Variants in SGCD observed in about 807,000 individuals in gnomAD.
SGCD encodes the protein delta-sarcoglycan.
Under a neutral mutation model 36.6 loss-of-function variants are expected in SGCD, and 18 were observed. That is an observed-to-expected ratio of 0.49 (90% confidence interval 0.34 to 0.73). The LOEUF is 0.73. Among genes scored for constraint, SGCD ranks in the 30% least tolerant of loss-of-function variants. SGCD has a pLI of 0.01. For synonymous variants in SGCD, 133 were observed against 130.6 expected, an observed-to-expected ratio of 1.02 and a Z score of -0.12; for missense variants, 387 against 346.7, an observed-to-expected ratio of 1.12 and a Z score of -0.92.
At chr5:156,115,783 A>G (rs1399500556) in intron 1 of SGCD, among the ~76,000 whole-genome samples, 1 of 152,038 alleles carries the variant, frequency 6.6e-6, no homozygotes, top group East Asian at 1.9e-4. Context: ...TGTCCTACAG[A>G]CAGTCTCACA....
intron 4 of SGCD, among the ~76,000 whole-genome samples, chr5:156,527,078 C>T (rs1331646770): frequency 6.6e-6 from 1 of 152,124 alleles, no homozygotes; most frequent in Non-Finnish European, 1.5e-5. Flanking sequence ...TTCCTCATTG[C>T]CTATCATGGT....
At chr5:156,237,142 G>T (rs1217598390) in intron 3 of SGCD, among the ~76,000 whole-genome samples, 1 of 151,992 alleles carries the variant, frequency 6.6e-6, no homozygotes, top group Non-Finnish European at 1.5e-5. Context: ...GCCTGAGCCA[G>T]AATTTTAAAC....
Position 156,105,073 on chromosome 5 carries a change from C to T in SGCD, c.-281-12805C>T, listed in dbSNP as rs78083301. Among the ~76,000 whole-genome samples, 302 of 152,198 alleles carry T rather than the reference C, an allele frequency of 2.0e-3. 1 individual carries two copies. The highest frequency in any genetic ancestry group is 7.0e-3 in the African/African-American group (289 of 41,530). On this transcript the variant is annotated intron_variant, in intron 1 of 9. Transcript: ENST00000517913. ...TGACGAGTTAATGGGTGCAGCATACCAACATGGCAAATGTATACATATGTA... is the reference window on the plus strand; with the variant it reads ...TGACGAGTTAATGGGTGCAGCATACTAACATGGCAAATGTATACATATGTA...
At chr5:156,384,383 T>C (rs17053515) in intron 3 of SGCD, among the ~76,000 whole-genome samples, 4,119 of 152,264 alleles carry the variant, frequency 0.027, 78 homozygotes, top group African/African-American at 0.05. Flanking sequence ...TTCTGAATGA[T>C]TGTGAATGTT....
chr5:155,930,546 G>T (rs1387403971), intron 1 of SGCD, among the ~76,000 whole-genome samples: 1 of 152,128 alleles, frequency 6.6e-6, no homozygotes, highest in Non-Finnish European at 1.5e-5. Flanking sequence ...TTCCTTCTTT[G>T]AGTCAGTGAG....
chr5:156,333,783 A>ATTTTTTTTTT lies in SGCD; in HGVS notation c.3+4232_3+4241dup, dbSNP rs70984404. Among the ~76,000 whole-genome samples, 50 of 19,958 alleles carry ATTTTTTTTTT rather than the reference A, an allele frequency of 2.5e-3. 5 individuals carry two copies. The highest frequency in any genetic ancestry group is 3.1e-3 in the Non-Finnish European group (32 of 10,468). 13.1% of individuals were successfully genotyped at this position (19,958 alleles called of 152,430 possible). ...GTGCTTTCTTTATGTTAGAAAAGTG[A>ATTTTTTTTTT]TTTTTTTTTTTTTTTTTTTTTTTTT... On this transcript the variant is annotated intron_variant, in intron 2 of 8. Transcript: ENST00000337851.
intron 6 of SGCD, among the ~76,000 whole-genome samples, chr5:156,616,216 G>C (rs182874354): frequency 3.3e-5 from 5 of 152,106 alleles, no homozygotes; most frequent in African/African-American, 4.8e-5. Flanking sequence ...TAAATACAAC[G>C]ATGGCCTGAG....
At chr5:156,607,038 T>G (rs532243697) in intron 6 of SGCD, among the ~76,000 whole-genome samples, 1 of 152,310 alleles carries the variant, frequency 6.6e-6, no homozygotes, top group African/African-American at 2.4e-5. Flanking sequence ...ACTCTTTGCT[T>G]CCTTCTCCTG....
intron 3 of SGCD, among the ~76,000 whole-genome samples, chr5:156,294,317 C>G (rs1370104044): frequency 6.6e-6 from 1 of 152,076 alleles, no homozygotes; most frequent in East Asian, 1.9e-4. Flanking sequence ...TAGATGCCAG[C>G]TGGGCACAAT....
At chr5:155,741,302 T>G in the SGCD span, among the ~76,000 whole-genome samples, 7 of 152,172 alleles carry the variant, frequency 4.6e-5, no homozygotes, top group Non-Finnish European at 8.8e-5. Context: ...GGTGCCACAG[T>G]CTTAGTTAAA....
At chr5:156,140,057 A>G (rs57592983) in intron 3 of SGCD, among the ~76,000 whole-genome samples, 1,899 of 152,328 alleles carry the variant, frequency 0.012, 36 homozygotes, top group African/African-American at 0.044. Context: ...CAAACTTGCC[A>G]GTACCTTGAT....
intron 3 of SGCD, among the ~76,000 whole-genome samples, chr5:156,287,801 A>C (rs1044699557): frequency 1.3e-5 from 2 of 152,120 alleles, no homozygotes; most frequent in Non-Finnish European, 2.9e-5. Flanking sequence ...TGTGAGGCTA[A>C]GCTGGGAGGA....
chr5:156,468,318 G>A (rs1173604612), intron 3 of SGCD, among the ~76,000 whole-genome samples: 2 of 143,540 alleles, frequency 1.4e-5, no homozygotes, highest in South Asian at 2.3e-4. Context: ...TTTAGCTTGG[G>A]TGACAAGAGT....
intron 3 of SGCD, among the ~76,000 whole-genome samples, chr5:156,262,734 T>C (rs1765899140): frequency 6.6e-6 from 1 of 152,140 alleles, no homozygotes; most frequent in Admixed American, 6.6e-5. Flanking sequence ...ATCAGTCTTA[T>C]GCCTTTGCAT....
the SGCD span, among the ~76,000 whole-genome samples, chr5:155,779,719 CTGAAA>C: frequency 3.9e-5 from 6 of 152,082 alleles, no homozygotes; most frequent in Non-Finnish European, 8.8e-5. Flanking sequence ...TCTAATATGT[CTGAAA>C]ATGGCCAGAC....
chr5:155,902,943 A>T (rs1457606666), intron 1 of SGCD, among the ~76,000 whole-genome samples: 4 of 152,202 alleles, frequency 2.6e-5, no homozygotes, highest in Non-Finnish European at 4.4e-5. Flanking sequence ...AGTTACATGC[A>T]ATCAGTTTTA....
At chr5:155,946,193 T>A (rs1165778407) in intron 1 of SGCD, among the ~76,000 whole-genome samples, 1 of 152,154 alleles carries the variant, frequency 6.6e-6, no homozygotes. Context: ...AGAAGCATGT[T>A]GATTTTTAGG....
chr5:156,558,088 A>AATATATATATATATATATAT lies in SGCD; in HGVS notation c.295-31126_295-31107dup, dbSNP rs67339181. On this transcript the variant is annotated intron_variant, in intron 4 of 8. Transcript: ENST00000337851. ...ACTGAGTGTGTTATTAGTAAATACA[A>AATATATATATATATATATAT]ATATATATATATATATATATATATA... Among the ~76,000 whole-genome samples the AATATATATATATATATATAT allele has an allele frequency of 1.9e-3, 183 of 95,532 alleles. 3 individuals are homozygous for AATATATATATATATATATAT. Among genetic ancestry groups the AATATATATATATATATATAT allele is most frequent in the Non-Finnish European group, 2.6e-3 (122 of 46,158 alleles). The allele number at this position is 95,532 out of a possible 152,430, so 62.7% of individuals were successfully genotyped here. A position where few individuals can be genotyped will look rare whatever the true frequency, so the allele number is the denominator to read the frequency against.
rs146496193 is a variant in SGCD, at chr5:156,498,249, C to A, written c.193-10352C>A. ...GGATTGCTTTTTTTTCTGTGAACGTCATATTTCTCTTACAAAAAAAAAAAA... is the reference window on the plus strand; with the variant it reads ...GGATTGCTTTTTTTTCTGTGAACGTAATATTTCTCTTACAAAAAAAAAAAA... On this transcript the variant is annotated intron_variant, in intron 3 of 8. Transcript: ENST00000337851. 3.3e-3 allele frequency among the ~76,000 whole-genome samples: 415 copies of A among 124,118 alleles called. 1 individual carries two copies. The highest frequency in any genetic ancestry group is 0.013 in the African/African-American group (405 of 31,614). The allele number at this position is 124,118 out of a possible 152,430, so 81.4% of individuals were successfully genotyped here. A position where few individuals can be genotyped will look rare whatever the true frequency, so the allele number is the denominator to read the frequency against.
Sources: allele counts gnomAD v4.1 joint callset (sites outside exome capture counted in the v4.1 genomes callset), GRCh38; gene constraint gnomAD v4.1.1; transcripts MANE v1.5; gene names NCBI Gene and HGNC (gene_info 2026-07-23, HGNC 2026-07-21).